The following SUGCT variants were observed in gnomAD, a reference collection of about 807,000 sequenced individuals.
SUGCT encodes the protein succinyl-CoA:glutarate CoA-transferase.
SUGCT carries 41 observed loss-of-function variants against 55.0 expected under a neutral mutation model. The ratio of observed to expected loss-of-function variants is 0.74; its 90% confidence interval spans 0.58 to 0.97. SUGCT has a LOEUF of 0.97. SUGCT is among the 50% of genes least tolerant of loss of function. The pLI is 0.00. For missense variants in SUGCT, 568 were observed against 547.8 expected (o/e 1.04, Z -0.37); for synonymous variants, 187 against 200.4 (o/e 0.93, Z 0.56).
chr7:40,830,058 G>A (rs1792572021), intron 13 of SUGCT, among the ~76,000 whole-genome samples: 2 of 151,948 alleles, frequency 1.3e-5, no homozygotes, highest in Non-Finnish European at 2.9e-5. Flanking sequence ...CCACCACCAC[G>A]TCATGAGCAC....
At chr7:40,682,519 T>C (rs1429546380) in intron 12 of SUGCT, among the ~76,000 whole-genome samples, 6 of 152,144 alleles carry the variant, frequency 3.9e-5, no homozygotes, top group African/African-American at 1.4e-4. Flanking sequence ...TGTCTCCAGG[T>C]AGATAATGTC....
At chr7:40,222,351 C>T (rs1788066109) in intron 6 of SUGCT, among the ~76,000 whole-genome samples, 1 of 152,248 alleles carries the variant, frequency 6.6e-6, no homozygotes, top group Non-Finnish European at 1.5e-5. Context: ...AAGACCTTCA[C>T]TACTGCCCAT....
At chr7:40,178,129 A>G (rs1421267382) in intron 1 of SUGCT, among the ~76,000 whole-genome samples, 1 of 152,174 alleles carries the variant, frequency 6.6e-6, no homozygotes, top group Non-Finnish European at 1.5e-5. Flanking sequence ...ACTTTTCTTA[A>G]GTCTCATTTA....
rs1218925721 is a variant in SUGCT, at chr7:40,478,759, A to G, written c.987-17525A>G. Reference sequence around the variant, plus strand: ...GTTAACTGCAGTCACGTTGTTTACTATATCTCCAGAACGTATTTGTCCTCA... The same window carrying G: ...GTTAACTGCAGTCACGTTGTTTACTGTATCTCCAGAACGTATTTGTCCTCA... On this transcript the variant is annotated intron_variant, in intron 11 of 13. Transcript: ENST00000335693. 3.3e-5 allele frequency among the ~76,000 whole-genome samples: 5 copies of G among 152,112 alleles called. No individual in the cohort carries two copies. In the East Asian group the frequency reaches 5.8e-4, roughly 18 times the overall value.
At chr7:40,648,351 T>G (rs1800623295) in intron 12 of SUGCT, among the ~76,000 whole-genome samples, 1 of 152,252 alleles carries the variant, frequency 6.6e-6, no homozygotes. Flanking sequence ...TTTAGTAGAT[T>G]TTAAATATTT....
chr7:40,895,728 C>A, the SUGCT span, among the ~76,000 whole-genome samples: 1 of 152,188 alleles, frequency 6.6e-6, no homozygotes, highest in African/African-American at 2.4e-5. Context: ...TACAAAACCA[C>A]AAAGTCCTCA....
intron 12 of SUGCT, among the ~76,000 whole-genome samples, chr7:40,521,941 C>T (rs1217799036): frequency 6.6e-6 from 1 of 152,004 alleles, no homozygotes; most frequent in East Asian, 1.9e-4. Flanking sequence ...AGTTGTTTCT[C>T]GGCTGGATAT....
the SUGCT span, among the ~76,000 whole-genome samples, chr7:40,972,153 A>G: frequency 3.3e-5 from 5 of 152,166 alleles, no homozygotes; most frequent in Admixed American, 1.3e-4. Flanking sequence ...ACTCAAAAAT[A>G]TGTTGTTATT....
chr7:40,204,490 G>A (rs1375430792), intron 6 of SUGCT, among the ~76,000 whole-genome samples: 1 of 151,950 alleles, frequency 6.6e-6, no homozygotes, highest in African/African-American at 2.4e-5. Flanking sequence ...TTTTAGTAGA[G>A]ACAGGGTTTC....
At chr7:40,379,094 A>G (rs1784744826) in intron 9 of SUGCT, among the ~76,000 whole-genome samples, 1 of 152,208 alleles carries the variant, frequency 6.6e-6, no homozygotes. Flanking sequence ...GGCATTGTGC[A>G]GAAAGATTGG....
At chr7:41,004,199 G>C in the SUGCT span, among the ~76,000 whole-genome samples, 3 of 152,208 alleles carry the variant, frequency 2.0e-5, no homozygotes, top group African/African-American at 7.2e-5. Flanking sequence ...TAGGCCTTCT[G>C]TCTGATTCTC....
intron 9 of SUGCT, among the ~76,000 whole-genome samples, chr7:40,383,036 C>G (rs1784947329): frequency 6.6e-6 from 1 of 151,980 alleles, no homozygotes; most frequent in Non-Finnish European, 1.5e-5. Context: ...GTATGACACC[C>G]CCTGCAAAGT....
the SUGCT span, among the ~76,000 whole-genome samples, chr7:40,873,140 T>C: frequency 4.6e-5 from 7 of 152,146 alleles, no homozygotes; most frequent in African/African-American, 1.7e-4. Context: ...AGAGGATAAA[T>C]ACATGTGCAA....
At chr7:40,438,874 G>T (rs1788316201) in intron 9 of SUGCT, among the ~76,000 whole-genome samples, 1 of 151,276 alleles carries the variant, frequency 6.6e-6, no homozygotes, top group Non-Finnish European at 1.5e-5. Flanking sequence ...GCCAGTGAAG[G>T]CCTGGGAGTC....
At chr7:40,567,929 A>C (rs1218766614) in intron 12 of SUGCT, among the ~76,000 whole-genome samples, 1 of 152,240 alleles carries the variant, frequency 6.6e-6, no homozygotes, top group Non-Finnish European at 1.5e-5. Flanking sequence ...GCATACAAAG[A>C]AAGACTGTAA....
At chr7:40,552,502 A>G (rs1400676454) in intron 12 of SUGCT, among the ~76,000 whole-genome samples, 1 of 152,096 alleles carries the variant, frequency 6.6e-6, no homozygotes, top group Non-Finnish European at 1.5e-5. Flanking sequence ...GACAGCTGGA[A>G]TGGCTCAACT....
the SUGCT span, among the ~76,000 whole-genome samples, chr7:40,955,669 T>C: frequency 1.3e-5 from 2 of 152,202 alleles, no homozygotes; most frequent in Non-Finnish European, 2.9e-5. Context: ...TCAAATACTA[T>C]GTTGAATAGG....
At chr7:40,744,466 G>A (rs1038486249) in intron 12 of SUGCT, among the ~76,000 whole-genome samples, 1 of 152,050 alleles carries the variant, frequency 6.6e-6, no homozygotes, top group Non-Finnish European at 1.5e-5. Context: ...TTACAGAATT[G>A]ACCACATCAG....
chr7:40,373,367 A>C (rs1158351138), intron 9 of SUGCT, among the ~76,000 whole-genome samples: 2 of 151,878 alleles, frequency 1.3e-5, no homozygotes, highest in Admixed American at 6.6e-5. Context: ...AAAATTTAGA[A>C]TCTATGATTA....
Sources: allele counts gnomAD v4.1 joint callset (sites outside exome capture counted in the v4.1 genomes callset), GRCh38; gene constraint gnomAD v4.1.1; transcripts MANE v1.5; gene names NCBI Gene and HGNC (gene_info 2026-07-23, HGNC 2026-07-21).